LRMDA: variants seen among roughly 807,000 people sequenced by gnomAD.
The protein encoded by LRMDA is leucine rich melanocyte differentiation associated.
LRMDA carries 18 observed loss-of-function variants against 29.8 expected under a neutral mutation model. That is an observed-to-expected ratio of 0.60 (90% CI 0.42 to 0.90). The LOEUF (loss-of-function observed/expected upper bound fraction) is 0.90. Ranked by LOEUF, LRMDA falls within the 40% of genes least tolerant of loss-of-function variation. The pLI, the probability that LRMDA is intolerant of heterozygous loss-of-function variation, is 0.00. For missense variants in LRMDA, 273 were observed against 273.9 expected (o/e 1.00, Z 0.02); for synonymous variants, 125 against 109.4 (o/e 1.14, Z -0.89).
intron 6 of LRMDA, among the ~76,000 whole-genome samples, chr10:76,353,865 G>A (rs959771449): frequency 3.3e-5 from 5 of 152,068 alleles, no homozygotes; most frequent in Non-Finnish European, 5.9e-5. Context: ...TGTGATTTCT[G>A]GCTTTTTGCA....
chr10:76,177,422 A>T (rs1373355916), intron 5 of LRMDA, among the ~76,000 whole-genome samples: 2 of 152,054 alleles, frequency 1.3e-5, no homozygotes, highest in Non-Finnish European at 2.9e-5. Flanking sequence ...CAACAAAAAA[A>T]CCTCTTCATT....
In LRMDA at chr10:76,184,928, C is replaced by T. The variant is rs185328586; in HGVS notation, c.516+126145C>T. Reference sequence around the variant, plus strand: ...CTTGTCATAAGAAATGGGTAGCAAACGCTGAATCAAAACTTTTTAGGCTTG... The same window carrying T: ...CTTGTCATAAGAAATGGGTAGCAAATGCTGAATCAAAACTTTTTAGGCTTG... On this transcript the variant is annotated intron_variant, in intron 5 of 6. Transcript: ENST00000611255. Among the ~76,000 whole-genome samples, 60 of 152,158 alleles carry T rather than the reference C, an allele frequency of 3.9e-4. No individual in the cohort carries two copies. The East Asian group carries it at 6.4e-3, about 16-fold the overall frequency.
intron 2 of LRMDA, among the ~76,000 whole-genome samples, chr10:75,974,937 T>C (rs1847044814): frequency 6.6e-6 from 1 of 152,234 alleles, no homozygotes; most frequent in African/African-American, 2.4e-5. Context: ...AAAAGTTCAC[T>C]TGTGTATTTA....
chr10:75,744,665 A>C (rs943829640), intron 2 of LRMDA, among the ~76,000 whole-genome samples: 6 of 152,200 alleles, frequency 3.9e-5, no homozygotes, highest in Admixed American at 1.3e-4. Context: ...TTAGTGGCAG[A>C]AACAGAATCA....
chr10:76,343,772 A>G (rs1841069367), intron 6 of LRMDA, among the ~76,000 whole-genome samples: 1 of 152,098 alleles, frequency 6.6e-6, no homozygotes, highest in Non-Finnish European at 1.5e-5. Flanking sequence ...TACAGGCATC[A>G]AAGTGGAAAG....
Position 75,520,557 on chromosome 10 carries a change from G to C in LRMDA, c.131+82063G>C, listed in dbSNP as rs143276551. On this transcript the variant is annotated intron_variant, in intron 2 of 6. Transcript: ENST00000611255. ...TCATTTAAGTTCTTCTCTCTACACT[G>C]TTTATTCTAGTTAGCCATTCGTCTA... 1.4e-3 allele frequency among the ~76,000 whole-genome samples: 212 copies of C among 152,262 alleles called. 1 individual carries two copies. Among genetic ancestry groups the C allele is most frequent in the African/African-American group, 4.5e-3 (189 of 41,564 alleles).
chr10:75,845,433 T>G (rs1215014593), intron 2 of LRMDA, among the ~76,000 whole-genome samples: 1 of 152,230 alleles, frequency 6.6e-6, no homozygotes, highest in Admixed American at 6.5e-5. Context: ...AGCTTTTGCC[T>G]GGCTGTCATG....
At chr10:75,660,662 T>C (rs1009204414) in intron 2 of LRMDA, among the ~76,000 whole-genome samples, 9 of 151,444 alleles carry the variant, frequency 5.9e-5, no homozygotes, top group Admixed American at 5.9e-4. Context: ...AATAAGGTTT[T>C]TCAAAAACAG....
chr10:76,369,998 G>A (rs1335007228), intron 6 of LRMDA, among the ~76,000 whole-genome samples: 1 of 152,086 alleles, frequency 6.6e-6, no homozygotes, highest in Non-Finnish European at 1.5e-5. Flanking sequence ...AGTGGGAAAT[G>A]GAGCCAAGAC....
intron 2 of LRMDA, among the ~76,000 whole-genome samples, chr10:75,637,784 C>T (rs1841405880): frequency 6.6e-6 from 1 of 152,192 alleles, no homozygotes; most frequent in Non-Finnish European, 1.5e-5. Context: ...TAATAGGCAG[C>T]TGCCCAGAGT....
chr10:75,619,764 G>T (rs1378146829), intron 2 of LRMDA, among the ~76,000 whole-genome samples: 2 of 152,082 alleles, frequency 1.3e-5, no homozygotes, highest in Non-Finnish European at 2.9e-5. Context: ...GGTAGATCTG[G>T]GTTTACAGTT....
At chr10:75,769,790 C>T (rs2132233890) in intron 2 of LRMDA, among the ~76,000 whole-genome samples, 1 of 152,296 alleles carries the variant, frequency 6.6e-6, no homozygotes, top group Middle Eastern at 3.4e-3. Context: ...TGATCAAGAA[C>T]TGGCCAATAT....
At chr10:75,637,579 C>T (rs911917991) in intron 2 of LRMDA, among the ~76,000 whole-genome samples, 9 of 152,074 alleles carry the variant, frequency 5.9e-5, no homozygotes, top group Non-Finnish European at 7.4e-5. Flanking sequence ...GTAGTTTTCT[C>T]GGAAAGCTGC....
chr10:76,173,334 A>G (rs900774180), intron 5 of LRMDA, among the ~76,000 whole-genome samples: 7 of 152,230 alleles, frequency 4.6e-5, no homozygotes, highest in Non-Finnish European at 8.8e-5. Context: ...AGAAGAAAAA[A>G]AATAAAGGTA....
At chr10:76,008,335 T>C (rs1847710356) in intron 2 of LRMDA, among the ~76,000 whole-genome samples, 1 of 152,120 alleles carries the variant, frequency 6.6e-6, no homozygotes, top group Non-Finnish European at 1.5e-5. Flanking sequence ...TTGTTTTGAT[T>C]CCCATTGACT....
chr10:76,093,536 G>T (rs375728916), intron 5 of LRMDA, among the ~76,000 whole-genome samples: 1 of 152,038 alleles, frequency 6.6e-6, no homozygotes, highest in Non-Finnish European at 1.5e-5. Context: ...AAGCCTTGTC[G>T]AATGTTGTTA....
At chr10:76,302,585 AT>A (rs1840495094) in intron 5 of LRMDA, among the ~76,000 whole-genome samples, 2 of 151,862 alleles carry the variant, frequency 1.3e-5, no homozygotes, top group Non-Finnish European at 2.9e-5. Flanking sequence ...GCTGGAGTGG[AT>A]ACTCTTGTTT....
intron 2 of LRMDA, among the ~76,000 whole-genome samples, chr10:75,603,079 G>A (rs1237211987): frequency 1.3e-5 from 2 of 152,158 alleles, no homozygotes; most frequent in East Asian, 3.9e-4. Context: ...CAGTAACCCA[G>A]CTTTCTACTA....
At chr10:75,618,170 ACT>A in intron 2 of LRMDA, among the ~76,000 whole-genome samples, 1 of 151,910 alleles carries the variant, frequency 6.6e-6, no homozygotes, top group South Asian at 2.1e-4. Flanking sequence ...ATCTGTCCTG[ACT>A]CTAAGTTGGC....
Sources: allele counts gnomAD v4.1 joint callset (sites outside exome capture counted in the v4.1 genomes callset), GRCh38; gene constraint gnomAD v4.1.1; transcripts MANE v1.5; gene names NCBI Gene and HGNC (gene_info 2026-07-23, HGNC 2026-07-21).